The following KCNMA1 variants were observed in gnomAD, a reference collection of about 807,000 sequenced individuals.
KCNMA1 encodes the protein Calcium-activated potassium channel subunit alpha-1.
In KCNMA1, 29 loss-of-function variants were observed where a neutral mutation model predicts 140.0. The ratio of observed to expected loss-of-function variants is 0.21; its 90% CI spans 0.15 to 0.28. The LOEUF (loss-of-function observed/expected upper bound fraction) is 0.28, where lower values mean the gene tolerates loss of function less well. Among genes scored for constraint, KCNMA1 ranks in the 10% least tolerant of loss-of-function variants. The pLI, the probability that KCNMA1 is intolerant of heterozygous loss-of-function variation, is 1.00. For missense variants in KCNMA1, 880 were observed against 1,602.2 expected (o/e 0.55, Z 7.70); for synonymous variants, 612 against 611.9 (o/e 1.00, Z 0.00).
intron 1 of KCNMA1, among the ~76,000 whole-genome samples, chr10:77,478,202 G>A (rs541552961): frequency 6.6e-6 from 1 of 152,336 alleles, no homozygotes; most frequent in South Asian, 2.1e-4. Context: ...ATGTCAGGAT[G>A]TGGCAAAGAG....
At chr10:76,908,190 G>T (rs994455254) in intron 25 of KCNMA1, among the ~76,000 whole-genome samples, 1 of 152,164 alleles carries the variant, frequency 6.6e-6, no homozygotes, top group African/African-American at 2.4e-5. Context: ...TGAGAATATG[G>T]TCTTCTTAGG....
chr10:77,029,618 AATAAAAC>A (rs1457914295), intron 15 of KCNMA1, among the ~76,000 whole-genome samples: 1 of 152,216 alleles, frequency 6.6e-6, no homozygotes, highest in African/African-American at 2.4e-5. Context: ...CTATGTTGAA[AATAAAAC>A]AACCTAAGAA....
At chr10:77,173,568 T>C (rs1395321935) in intron 5 of KCNMA1, among the ~76,000 whole-genome samples, 2 of 152,222 alleles carry the variant, frequency 1.3e-5, no homozygotes, top group Admixed American at 6.5e-5. Flanking sequence ...ATTCTAGTTA[T>C]GGAAGCACTT....
At chr10:77,177,583 C>T (rs184963246) in intron 5 of KCNMA1, among the ~76,000 whole-genome samples, 8 of 152,018 alleles carry the variant, frequency 5.3e-5, no homozygotes, top group East Asian at 1.9e-4. Flanking sequence ...AGGGGTCCTC[C>T]TGCCTCATCC....
intron 15 of KCNMA1, among the ~76,000 whole-genome samples, chr10:77,037,906 T>C (rs1312681025): frequency 6.6e-6 from 1 of 152,140 alleles, no homozygotes; most frequent in Non-Finnish European, 1.5e-5. Flanking sequence ...CCAATGCCTC[T>C]GAATGCTTAA....
At chr10:77,280,216 C>T (rs1164558169) in intron 2 of KCNMA1, among the ~76,000 whole-genome samples, 1 of 152,164 alleles carries the variant, frequency 6.6e-6, no homozygotes, top group African/African-American at 2.4e-5. Context: ...CACAAATTAC[C>T]AATGCAGGGG....
chr10:77,180,277 A>T (rs1258846043), intron 5 of KCNMA1, among the ~76,000 whole-genome samples: 2 of 152,138 alleles, frequency 1.3e-5, no homozygotes, highest in African/African-American at 2.4e-5. Flanking sequence ...GTCATATCTC[A>T]TGGGAATGTT....
chr10:77,434,325 C>T (rs774879973), intron 1 of KCNMA1, among the ~76,000 whole-genome samples: 14 of 152,162 alleles, frequency 9.2e-5, no homozygotes, highest in Non-Finnish European at 1.8e-4. Flanking sequence ...AAGTGTGTCT[C>T]GTTCCTGTGG....
At chr10:76,955,086 T>C (rs79969410) in intron 20 of KCNMA1, among the ~76,000 whole-genome samples, 2,480 of 152,288 alleles carry the variant, frequency 0.016, 76 homozygotes, top group African/African-American at 0.055. Context: ...TGAGTAATAT[T>C]GTCAACACAA....
rs375251720 is a variant in KCNMA1, at chr10:77,481,263, C to A, written c.379-77240G>T. ...AATCACTTATCTTTCCAGAGTCTAA[C>A]TGAAAAATGGACCCAACATCCTTGA... On this transcript the variant is annotated intron_variant, in intron 1 of 27. Coordinates refer to ENST00000286628, the MANE Select transcript of KCNMA1 (RefSeq NM_001161352.2). 8.5e-5 allele frequency among the ~76,000 whole-genome samples: 13 copies of A among 152,166 alleles called. No individual in the cohort carries two copies. In the South Asian group the frequency reaches 2.7e-3, roughly 32 times the overall value.
intron 5 of KCNMA1, among the ~76,000 whole-genome samples, chr10:77,153,562 G>A (rs2154062641): frequency 6.6e-6 from 1 of 151,934 alleles, no homozygotes; most frequent in Non-Finnish European, 1.5e-5. Context: ...TTCTAGAGAT[G>A]GGTTTCACCA....
At chr10:76,936,879 C>T (rs964252550) in intron 23 of KCNMA1, among the ~76,000 whole-genome samples, 1 of 152,138 alleles carries the variant, frequency 6.6e-6, no homozygotes, top group African/African-American at 2.4e-5. Flanking sequence ...AAGACAGTGC[C>T]GTTCAGGAAG....
chr10:76,929,737 G>T (rs143118365), intron 23 of KCNMA1, among the ~76,000 whole-genome samples: 2,718 of 152,232 alleles, frequency 0.018, 70 homozygotes, highest in African/African-American at 0.053. Flanking sequence ...CTGGAGTATG[G>T]CCTGAGCATT....
chr10:77,489,346 T>G (rs893340312), intron 1 of KCNMA1, among the ~76,000 whole-genome samples: 20 of 148,224 alleles, frequency 1.3e-4, no homozygotes, highest in African/African-American at 4.6e-4. Context: ...ATTTATTTAT[T>G]TTTTTTGAGA....
At chr10:77,344,053 A>T (rs2091605736) in intron 2 of KCNMA1, among the ~76,000 whole-genome samples, 1 of 152,194 alleles carries the variant, frequency 6.6e-6, no homozygotes, top group African/African-American at 2.4e-5. Context: ...CAGCAACTGC[A>T]CCACCACACA....
At chr10:76,928,474 T>C (rs2058395914) in intron 23 of KCNMA1, among the ~76,000 whole-genome samples, 1 of 152,116 alleles carries the variant, frequency 6.6e-6, no homozygotes, top group South Asian at 2.1e-4. Flanking sequence ...TAGAATGGTA[T>C]CTTATTCTTT....
chr10:76,888,552 T>C (rs1358855612), intron 27 of KCNMA1, among the ~76,000 whole-genome samples: 1 of 152,188 alleles, frequency 6.6e-6, no homozygotes, highest in South Asian at 2.1e-4. Context: ...GCAAACTCAC[T>C]GATCTTGGTA....
chr10:77,392,625 G>A (rs745777400), intron 2 of KCNMA1, among the ~76,000 whole-genome samples: 5 of 152,196 alleles, frequency 3.3e-5, no homozygotes, highest in Non-Finnish European at 7.4e-5. Context: ...ATCTGACCCC[G>A]AGCAGGTGCT....
intron 3 of KCNMA1, among the ~76,000 whole-genome samples, chr10:77,246,971 C>A (rs774306962): frequency 5.3e-5 from 8 of 152,166 alleles, no homozygotes; most frequent in Non-Finnish European, 8.8e-5. Context: ...TGTGTGCCAG[C>A]CATTTTGGAG....
Sources: gnomAD v4.1 joint callset for allele counts (sites outside exome capture counted in the v4.1 genomes callset) on GRCh38, gnomAD v4.1.1 for gene constraint, MANE v1.5 for transcripts, NCBI Gene and HGNC (gene_info 2026-07-23, HGNC 2026-07-21) for gene names.